The following SERPINB1 variants were observed in gnomAD, a reference collection of about 807,000 sequenced individuals.
The protein encoded by SERPINB1 is leukocyte elastase inhibitor.
A neutral mutation model predicts 25.9 loss-of-function variants in SERPINB1; 23 were observed. The ratio of observed to expected loss-of-function variants is 0.89; its 90% CI spans 0.64 to 1.26. SERPINB1 has a LOEUF of 1.26. Ranked by LOEUF, SERPINB1 falls within the 50% of genes most tolerant of loss-of-function variation. The pLI, the probability that SERPINB1 is intolerant of heterozygous loss-of-function variation, is 0.00. For synonymous variants in SERPINB1, 178 were observed against 178.7 expected (o/e 1.00, Z 0.03); for missense variants, 399 against 463.6 (o/e 0.86, Z 1.28).
intron 2 of SERPINB1, 73 bp downstream of exon 2, chr6:2,840,346 A>C: frequency 6.4e-7 from 1 of 1,565,000 alleles, no homozygotes; most frequent in Non-Finnish European, 8.7e-7. Flanking sequence ...TCAAAGGCAC[A>C]ACCTTTCCAT....
In SERPINB1 at chr6:2,833,654, T is replaced by C. The variant is rs757989972; in HGVS notation, c.1094A>G (p.Asn365Ser). 1 of 1,614,066 alleles carries C rather than the reference T, an allele frequency of 6.2e-7. No individual in the cohort carries two copies. Among genetic ancestry groups the C allele is most frequent in the South Asian group, 1.1e-5 (1 of 91,076 alleles). ...CAAGAATAGGATGCTACCTGAGGAA[T>C]TATGCCGAATAAAGAAAAGGAATGG... Reference protein sequence around the residue: ...DHPFLFFIRHNSSGSILFLGR... With the variant: ...DHPFLFFIRHSSSGSILFLGR... The change falls in exon 7 of 7, where the codon AAT (asparagine) becomes AGT (serine). Residue 365 changes from asparagine to serine, a missense_variant. Physicochemically the swap from Asn to Ser is conservative, Grantham distance 46. Transcript: ENST00000380739.
rs960772757 is a variant in SERPINB1, at chr6:2,837,527, C to T, written c.424+355G>A. On this transcript the variant is annotated intron_variant, in intron 4 of 6. Transcript: ENST00000380739. The surrounding 1 kb of genome is among the most constrained non-coding windows in gnomAD (Gnocchi z 4.3). The stretch of plus-strand genomic sequence containing the variant: ...AACTCCTGACCTCAAATGATCCGCC[C>T]GCCTTGGGCTCCCAAAGTGCTGGGA... Among the ~76,000 whole-genome samples, 5 of 152,118 alleles carry T rather than the reference C, an allele frequency of 3.3e-5. No individual in the cohort carries two copies. The highest frequency in any genetic ancestry group is 1.9e-4 in the East Asian group (1 of 5,188).
intron 6 of SERPINB1, among the ~76,000 whole-genome samples, chr6:2,834,269 A>AC (rs752748311): frequency 1.3e-5 from 2 of 151,730 alleles, no homozygotes; most frequent in Non-Finnish European, 2.9e-5. Flanking sequence ...CCACCCATCC[A>AC]CCCATCCATC....
chr6:2,835,788 A>G, intron 6 of SERPINB1, 68 bp downstream of exon 6: 1 of 1,520,692 alleles, frequency 6.6e-7, no homozygotes, highest in Non-Finnish European at 8.9e-7. Flanking sequence ...ACACTTAACA[A>G]GCACCTACCT....
chr6:2,836,288 T>C (rs899401341), intron 4 of SERPINB1, 38 bp from the exon 5 acceptor site: 1 of 1,567,652 alleles, frequency 6.4e-7, no homozygotes, highest in African/African-American at 1.4e-5. Flanking sequence ...AAAATCCAAA[T>C]CGGAATTCCA....
chr6:2,834,078 T>G, intron 6 of SERPINB1, 66 bp from the exon 7 acceptor site: 1 of 1,416,062 alleles, frequency 7.1e-7, no homozygotes, highest in Non-Finnish European at 9.5e-7. Context: ...CAATAAAGTA[T>G]TATTGAATCA....
intron 6 of SERPINB1, among the ~76,000 whole-genome samples, chr6:2,835,467 A>G (rs1052749824): frequency 6.6e-6 from 1 of 152,158 alleles, no homozygotes; most frequent in Non-Finnish European, 1.5e-5. Context: ...GCCACTAACC[A>G]GTATTATATT....
chr6:2,836,782 G>A (rs1385293428), intron 4 of SERPINB1, among the ~76,000 whole-genome samples: 1 of 152,146 alleles, frequency 6.6e-6, no homozygotes, highest in Admixed American at 6.5e-5. Flanking sequence ...TTGAGCCCAG[G>A]AGGTCAAGGC....
chr6:2,837,759 T>G lies in SERPINB1; in HGVS notation c.424+123A>C, dbSNP rs533552643. The G allele has an allele frequency of 6.6e-6, 5 of 759,878 alleles. No individual in the cohort carries two copies. The Admixed American group carries it at 8.2e-5, about 12-fold the overall frequency. The allele number at this position is 759,878 out of a possible 1,614,324, so 47.1% of individuals were successfully genotyped here. The stretch of plus-strand genomic sequence containing the variant: ...ACGCACCGGCAGCGTCCTCTGACTG[T>G]AACCACGATGTGCGCCAGGACTGTG... On this transcript the variant is annotated intron_variant, in intron 4 of 6. Transcript: ENST00000380739. The surrounding 1 kb of genome is among the most constrained non-coding windows in gnomAD (Gnocchi z 4.3).
chr6:2,832,806 CAAA>C lies in SERPINB1; in HGVS notation c.*799_*801del, dbSNP rs3054472. The C allele has an allele frequency of 4.2e-5, 4 of 95,252 alleles. No individual in the cohort carries two copies. The highest frequency in any genetic ancestry group is 3.6e-4 in the South Asian group (1 of 2,792). 5.9% of individuals were successfully genotyped at this position (95,252 alleles called of 1,614,324 possible). On this transcript the variant is annotated 3_prime_UTR_variant, in exon 7 of 7. Transcript: ENST00000380739. The stretch of plus-strand genomic sequence containing the variant: ...TGGGTAACAGAGCAAGACTCTGTCT[CAAA>C]AAAAAAAAAAAGAAAGAAAGAAAGA...
At chr6:2,834,311 C>CCATT (rs1766425456) in intron 6 of SERPINB1, among the ~76,000 whole-genome samples, 1 of 49,546 alleles carries the variant, frequency 2.0e-5, no homozygotes, top group African/African-American at 3.9e-5. Flanking sequence ...ATCCATCCAT[C>CCATT]CATCCATCCA....
At chr6:2,839,556 G>T in intron 2 of SERPINB1, 1 of 854,374 alleles carries the variant, frequency 1.2e-6, no homozygotes, top group Non-Finnish European at 1.4e-6. Context: ...TATCTAAAGT[G>T]ATGAGTAATA....
chr6:2,840,877 G>A (rs574472896), intron 1 of SERPINB1, among the ~76,000 whole-genome samples: 10 of 152,282 alleles, frequency 6.6e-5, no homozygotes, highest in African/African-American at 2.4e-4. Context: ...TGGGGGTGGG[G>A]CGGGGGTAAG....
intron 6 of SERPINB1, among the ~76,000 whole-genome samples, chr6:2,834,522 C>T (rs2113531857): frequency 6.6e-6 from 1 of 152,142 alleles, no homozygotes; most frequent in East Asian, 1.9e-4. Context: ...ATCATCCATC[C>T]ACCCATTTAC....
At chr6:2,835,618 C>T (rs1766466274) in intron 6 of SERPINB1, among the ~76,000 whole-genome samples, 3 of 152,162 alleles carry the variant, frequency 2.0e-5, no homozygotes, top group Admixed American at 1.3e-4. Context: ...AGGAGGATTG[C>T]TGGAAGCCAG....
rs747970507 is a variant in SERPINB1, at chr6:2,835,981, A to AG, written c.609_610insC (p.Phe204LeufsTer10). ...AGGTCCTCGATGTAGCCATATGCAAATTTTTTCTTCTGATACATCATTTTC... is the reference window on the plus strand; with the variant it reads ...AGGTCCTCGATGTAGCCATATGCAAAGTTTTTTCTTCTGATACATCATTTTC... On this transcript the variant is annotated frameshift_variant, in exon 6 of 7. Coordinates refer to ENST00000380739, the MANE Select transcript of SERPINB1 (RefSeq NM_030666.4). LOFTEE classifies it high-confidence loss of function. The AG allele has an allele frequency of 2.5e-6, 4 of 1,613,864 alleles. No individual in the cohort carries two copies. In the East Asian group the frequency reaches 6.7e-5, roughly 27 times the overall value.
rs757324372 is a variant in SERPINB1, at chr6:2,840,423, G to A, written c.164C>T (p.Ser55Phe). 2.5e-5 allele frequency: 40 copies of A among 1,613,834 alleles called. No individual in the cohort carries two copies. Among genetic ancestry groups the A allele is most frequent in the Non-Finnish European group, 3.2e-5 (38 of 1,179,986 alleles). The change falls in exon 2 of 7, where the codon TCC (serine) becomes TTC (phenylalanine). Residue 55 changes from serine to phenylalanine, a missense_variant. Ser to Phe is a radical substitution (Grantham distance 155). Transcript: ENST00000380739. ...GTRGNTAAQLSKTFHFNTVEE... is the reference protein window; with the variant it reads ...GTRGNTAAQLFKTFHFNTVEE... Reference sequence around the variant, plus strand: ...CTTTTTTTTGTTTCTGCTGACCTTGGACAGCTGTGCTGCCGTGTTACCTCT... The same window carrying A: ...CTTTTTTTTGTTTCTGCTGACCTTGAACAGCTGTGCTGCCGTGTTACCTCT...
At chr6:2,839,456 C>T in intron 2 of SERPINB1, 3 of 984,586 alleles carry the variant, frequency 3.0e-6, no homozygotes, top group Non-Finnish European at 3.6e-6. Context: ...AAGCTAGGAA[C>T]TGATATAACC....
intron 2 of SERPINB1, among the ~76,000 whole-genome samples, chr6:2,839,060 A>G (rs961372780): frequency 4.6e-5 from 7 of 152,234 alleles, no homozygotes; most frequent in Admixed American, 3.9e-4. Flanking sequence ...GAAAGTTCTC[A>G]GAAATAAGCA....
Sources: allele counts gnomAD v4.1 joint callset (sites outside exome capture counted in the v4.1 genomes callset), GRCh38; gene constraint gnomAD v4.1.1; non-coding constraint Gnocchi (gnomAD v3.1); transcripts MANE v1.5; gene names NCBI Gene and HGNC (gene_info 2026-07-23, HGNC 2026-07-21).